PISD: variants seen among roughly 807,000 people sequenced by gnomAD.
PISD encodes phosphatidylserine decarboxylase proenzyme, mitochondrial.
In PISD, 31 loss-of-function variants were observed where a neutral mutation model predicts 43.5. That is an observed-to-expected ratio of 0.71 (90% confidence interval 0.54 to 0.96). The LOEUF is 0.96. Among genes scored for constraint, PISD ranks in the 40% least tolerant of loss-of-function variants. The pLI is 0.00. For synonymous variants in PISD, 259 were observed against 228.7 expected (o/e 1.13, Z -1.20); for missense variants, 523 against 548.4 (o/e 0.95, Z 0.46).
At chr22:31,642,134 GACT>G (rs2073750465) in intron 3 of PISD, among the ~76,000 whole-genome samples, 1 of 151,188 alleles carries the variant, frequency 6.6e-6, no homozygotes, top group Non-Finnish European at 1.5e-5. Flanking sequence ...GGCAACCAGA[GACT>G]TCAGGACCTG....
intron 3 of PISD, chr22:31,626,248 A>G: frequency 5.6e-6 from 1 of 177,856 alleles, no homozygotes; most frequent in African/African-American, 2.4e-5. Flanking sequence ...GTAAGCCATG[A>G]CAGGGAGGGG....
At chr22:31,624,426 A>C (rs957590207) in intron 3 of PISD, among the ~76,000 whole-genome samples, 3 of 152,132 alleles carry the variant, frequency 2.0e-5, no homozygotes, top group African/African-American at 7.2e-5. Flanking sequence ...TCATGGTTCC[A>C]GGCCCCCCCT....
chr22:31,661,534 C>G (rs921556836), intron 1 of PISD, among the ~76,000 whole-genome samples: 2 of 152,122 alleles, frequency 1.3e-5, no homozygotes, highest in African/African-American at 4.8e-5. Flanking sequence ...TACAAACTGG[C>G]TAGGTGAACT....
At chr22:31,625,012 G>A (rs893164638) in intron 3 of PISD, among the ~76,000 whole-genome samples, 2 of 152,156 alleles carry the variant, frequency 1.3e-5, no homozygotes, top group African/African-American at 4.8e-5. Context: ...CACTCAGAAC[G>A]TCCCCAGGTC....
At chr22:31,649,231 A>G (rs1192792540) in intron 2 of PISD, among the ~76,000 whole-genome samples, 2 of 152,070 alleles carry the variant, frequency 1.3e-5, no homozygotes, top group African/African-American at 2.4e-5. Flanking sequence ...CAATCAATCA[A>G]AATGTGCAAA....
Position 31,619,154 on chromosome 22 carries a change from T to G in PISD, c.*458A>C. 3.8e-6 allele frequency: 1 copy of G among 264,716 alleles called. No individual in the cohort carries two copies. Among genetic ancestry groups the G allele is most frequent in the Non-Finnish European group, 7.5e-6 (1 of 133,010 alleles). 16.4% of individuals were successfully genotyped at this position (264,716 alleles called of 1,614,324 possible). A position where few individuals can be genotyped will look rare whatever the true frequency, so the allele number is the denominator to read the frequency against. On this transcript the variant is annotated 3_prime_UTR_variant, in exon 8 of 8. Coordinates refer to ENST00000439502, the MANE Select transcript of PISD (RefSeq NM_001326411.2). ...GTGTGGCTCTGCTGGGGGAGAGGCA[T>G]CCACAGTCTGTGCCAAGGAGGCACC...
intron 1 of PISD, among the ~76,000 whole-genome samples, chr22:31,657,417 G>A (rs1029467817): frequency 6.6e-6 from 1 of 152,132 alleles, no homozygotes; most frequent in Non-Finnish European, 1.5e-5. Flanking sequence ...TTACAGGCGT[G>A]AGCCACCGCA....
chr22:31,628,062 A>G, intron 3 of PISD: 3 of 985,414 alleles, frequency 3.0e-6, no homozygotes, highest in South Asian at 4.7e-5. Context: ...TGTCTTTATC[A>G]CTGTTCTGCC....
chr22:31,629,176 C>T, intron 3 of PISD: 1 of 985,284 alleles, frequency 1.0e-6, no homozygotes, highest in Non-Finnish European at 1.2e-6. Flanking sequence ...GATGAATGAC[C>T]CCAGGCCAGG....
At chr22:31,634,333 G>A (rs1216790613) in intron 3 of PISD, among the ~76,000 whole-genome samples, 4 of 152,224 alleles carry the variant, frequency 2.6e-5, no homozygotes, top group South Asian at 2.1e-4. Flanking sequence ...GAGAGGCCAG[G>A]CAAGCACAAA....
Position 31,619,795 on chromosome 22 carries a change from G to A in PISD, c.1047C>T (p.Tyr349=), listed in dbSNP as rs761245101. The A allele has an allele frequency of 1.9e-6, 3 of 1,614,188 alleles. No homozygotes were observed. The highest frequency in any genetic ancestry group is 2.5e-6 in the Non-Finnish European group (3 of 1,180,000). The change falls in exon 8 of 8, where the codon TAC becomes TAT. Residue 349 remains tyrosine, a synonymous_variant. Coordinates refer to ENST00000439502, the MANE Select transcript of PISD (RefSeq NM_001326411.2). ...TGTGCGTCACGAAGCTGAAGTCATT[G>A]TAGGAGCCCTTGCTGTGCCTTGGGC... is the stretch of plus-strand genomic sequence containing the variant. ...TNSPRHSKGS[Y]NDFSFVTHTN... is the part of the protein sequence containing the mutation.
At chr22:31,651,536 G>T (rs1428983222) in intron 1 of PISD, among the ~76,000 whole-genome samples, 1 of 152,056 alleles carries the variant, frequency 6.6e-6, no homozygotes, top group African/African-American at 2.4e-5. Flanking sequence ...ATCACCTGAG[G>T]TTGGGAGTTC....
At chr22:31,622,619 C>T (rs2072647693) in intron 3 of PISD, among the ~76,000 whole-genome samples, 1 of 152,214 alleles carries the variant, frequency 6.6e-6, no homozygotes, top group African/African-American at 2.4e-5. Flanking sequence ...GGCCATAAAG[C>T]CATCTGCACC....
chr22:31,640,335 C>A, intron 3 of PISD, among the ~76,000 whole-genome samples: 1 of 150,686 alleles, frequency 6.6e-6, no homozygotes, highest in Non-Finnish European at 1.5e-5. Flanking sequence ...GTAGCTGGGA[C>A]CACAGGCCCA....
chr22:31,621,773 C>T lies in PISD; in HGVS notation c.434G>A (p.Trp145Ter). 1.2e-6 allele frequency: 2 copies of T among 1,614,134 alleles called. No individual in the cohort carries two copies. Among genetic ancestry groups the T allele is most frequent in the Non-Finnish European group, 1.7e-6 (2 of 1,180,048 alleles). ...LRRPVYSLYI[W>*]TFGVNMKEAA... ...CTCTTTCATGTTCACCCCAAACGTC[C>T]AGATGTACAGGCTGTAGACGGGCCT... The change falls in exon 4 of 8, where the codon TGG (tryptophan) becomes TAG (stop). Residue 145 changes from tryptophan to a stop codon, truncating the protein, a stop_gained. Coordinates refer to ENST00000439502, the MANE Select transcript of PISD (RefSeq NM_001326411.2). LOFTEE classifies it high-confidence loss of function.
Position 31,619,820 on chromosome 22 carries a change from C to T in PISD, c.1022G>A (p.Ser341Asn), listed in dbSNP as rs763916674. 47 of 1,613,460 alleles carry T rather than the reference C, an allele frequency of 2.9e-5. No individual in the cohort carries two copies. The highest frequency in any genetic ancestry group is 4.2e-6 in the Non-Finnish European group (5 of 1,179,664). Residue 341 changes from serine to asparagine, a missense_variant, in exon 8 of 8, where the codon AGC becomes AAC. Coordinates refer to ENST00000439502, the MANE Select transcript of PISD (RefSeq NM_001326411.2). ...IYFDRDLHTN[S>N]PRHSKGSYND... ...GTAGGAGCCCTTGCTGTGCCTTGGG[C>T]TGTTTGTGTGCAGGTCCTGTGGTGA...
intron 3 of PISD, chr22:31,626,124 G>A (rs950944800): frequency 1.0e-5 from 11 of 1,065,454 alleles, no homozygotes; most frequent in Non-Finnish European, 1.3e-6. Context: ...CCCCAGTCCT[G>A]GCCACCTGCT....
intron 3 of PISD, among the ~76,000 whole-genome samples, chr22:31,626,513 C>A (rs2072916160): frequency 1.4e-5 from 2 of 138,984 alleles, no homozygotes; most frequent in African/African-American, 5.3e-5. Context: ...TCTCCTCACC[C>A]CTCCTGGCCT....
chr22:31,619,986 G>A, intron 7 of PISD, 150 bp from the exon 8 acceptor site: 1 of 620,132 alleles, frequency 1.6e-6, no homozygotes, highest in South Asian at 2.0e-5. Context: ...GCATCTCAGG[G>A]CCAGGTGGGC....
Sources: allele counts gnomAD v4.1 joint callset (sites outside exome capture counted in the v4.1 genomes callset), GRCh38; gene constraint gnomAD v4.1.1; transcripts MANE v1.5; gene names NCBI Gene and HGNC (gene_info 2026-07-23, HGNC 2026-07-21).